RFPL3: variants seen among roughly 807,000 people sequenced by gnomAD.
RFPL3 encodes ret finger protein-like 3.
In RFPL3, 8 loss-of-function variants were observed where a neutral mutation model predicts 8.7. The ratio of observed to expected loss-of-function variants is 0.92; its 90% CI spans 0.54 to 1.66. The LOEUF is 1.66. RFPL3 is among the 40% of genes most tolerant of loss of function. The pLI, the probability that RFPL3 is intolerant of heterozygous loss-of-function variation, is 0.00. For missense variants in RFPL3, 341 were observed against 395.0 expected (o/e 0.86, Z 1.16); for synonymous variants, 145 against 150.5 (o/e 0.96, Z 0.27).
intron 1 of RFPL3, 85 bp downstream of exon 1, chr22:32,358,529 G>C (rs1932743112): frequency 6.6e-7 from 1 of 1,515,754 alleles, no homozygotes; most frequent in Non-Finnish European, 8.8e-7. Context: ...TCCACATGGG[G>C]ATTAGCTGCT....
rs1932781501 is a variant in RFPL3 at position 32,361,028 on chromosome 22, T to A, written c.*196T>A. 1 of 485,760 alleles carries A rather than the reference T, an allele frequency of 2.1e-6. No individual in the cohort carries two copies. Among genetic ancestry groups the A allele is most frequent in the African/African-American group, 2.0e-5 (1 of 50,230 alleles). The allele number at this position is 485,760 out of a possible 1,614,324, so 30.1% of individuals were successfully genotyped here. ...CCATCCAACTCATTGAGTCTTATGG[T>A]TCACATCTTGTTTCCTATAGAAATG... On this transcript the variant is annotated 3_prime_UTR_variant, in exon 2 of 2. Transcript: ENST00000249007.
intron 1 of RFPL3, 147 bp downstream of exon 1, chr22:32,358,591 A>G: frequency 8.0e-7 from 1 of 1,252,410 alleles, no homozygotes; most frequent in Non-Finnish European, 1.1e-6. Context: ...AGCCCTGACA[A>G]CACATAGAAT....
chr22:32,358,200 CT>C lies in RFPL3; in HGVS notation c.130del (p.Ser44GlnfsTer53). On this transcript the variant is annotated frameshift_variant, in exon 1 of 2. Coordinates refer to ENST00000249007, the MANE Select transcript of RFPL3 (RefSeq NM_001098535.1). LOFTEE classifies it high-confidence loss of function. ...AAGAAGCAAGCAGCTGTCCCGTCTG[CT>C]CAGACTATCTGGAAAAACCAATGTC... ...FQEASSCPVC[S>X]DYLEKPMSLE... The C allele has an allele frequency of 6.2e-7, 1 of 1,614,008 alleles. No individual in the cohort carries two copies.
upstream of RFPL3, chr22:32,356,671 A>G (rs75848420): frequency 0.072 from 20,731 of 288,634 alleles, 1,363 homozygotes; most frequent in East Asian, 0.42. Flanking sequence ...AGGGTCAGGG[A>G]CCTAAGAACA....
Position 32,360,502 on chromosome 22 carries a change from G to GCTGA in RFPL3, c.626_629dup (p.Thr211AspfsTer51), listed in dbSNP as rs1181310863. ...CTGTTCACTGCAAAGGGAAGATCCA[G>GCTGA]CTGACCACAGAGCTTGGATTCTGGA... On this transcript the variant is annotated frameshift_variant, in exon 2 of 2. Transcript: ENST00000249007. LOFTEE classifies it low-confidence loss of function (END_TRUNC). The GCTGA allele has an allele frequency of 6.2e-7, 1 of 1,613,968 alleles. No homozygotes were observed. Among genetic ancestry groups the GCTGA allele is most frequent in the Non-Finnish European group, 8.5e-7 (1 of 1,179,866 alleles).
upstream of RFPL3, chr22:32,357,047 C>T (rs1012016922): frequency 7.6e-6 from 3 of 395,584 alleles, no homozygotes; most frequent in Admixed American, 6.8e-5. Flanking sequence ...AGCCCCCTGA[C>T]CTCAGTGTAT....
upstream of RFPL3, among the ~76,000 whole-genome samples, chr22:32,356,201 CAG>C (rs1370977220): frequency 1.3e-5 from 2 of 152,086 alleles, no homozygotes; most frequent in African/African-American, 4.8e-5. Flanking sequence ...GCTAAAGAAA[CAG>C]AGGCTGTGGG....
chr22:32,360,072 C>A, intron 1 of RFPL3, 180 bp from the exon 2 acceptor site: 1 of 745,264 alleles, frequency 1.3e-6, no homozygotes, highest in African/African-American at 1.8e-5. Context: ...CACGTATTGC[C>A]ACAAAGCATA....
At position 32,360,848 on chromosome 22, in the gene RFPL3, A is replaced by C. The variant is rs555886885; in HGVS notation, c.*16A>C. 6.6e-7 allele frequency: 1 copy of C among 1,509,378 alleles called. No individual in the cohort carries two copies. Among genetic ancestry groups the C allele is most frequent in the Non-Finnish European group, 8.8e-7 (1 of 1,130,492 alleles). The allele number at this position is 1,509,378 out of a possible 1,614,324, so 93.5% of individuals were successfully genotyped here. ...GGCCAAATAAGCCGCCACTGCAAAA[A>C]AAAACAGGGTCAGAAAATTACTTGG... is the stretch of plus-strand genomic sequence containing the variant. On this transcript the variant is annotated 3_prime_UTR_variant, in exon 2 of 2. Transcript: ENST00000249007.
intron 1 of RFPL3, chr22:32,360,029 A>G: frequency 1.7e-6 from 1 of 585,386 alleles, no homozygotes; most frequent in South Asian, 2.8e-5. Flanking sequence ...CGTGACGTAA[A>G]GTAAAATAAG....
At chr22:32,355,268 T>C (rs1601403790), upstream of RFPL3, among the ~76,000 whole-genome samples, 4 of 152,104 alleles carry the variant, frequency 2.6e-5, no homozygotes, top group South Asian at 8.3e-4. Context: ...CTAGAGGTTT[T>C]TCTTCTCATC....
Position 32,360,447 on chromosome 22 carries a change from C to T in RFPL3, c.569C>T (p.Thr190Ile). The T allele has an allele frequency of 6.2e-7, 1 of 1,613,888 alleles. No homozygotes were observed. The highest frequency in any genetic ancestry group is 2.2e-5 in the East Asian group (1 of 44,870). Residue 190 changes from threonine to isoleucine, a missense_variant, in exon 2 of 2, where the codon ACA (threonine) becomes ATA (isoleucine). Thr to Ile is a moderately conservative substitution (Grantham distance 89, BLOSUM62 -1). Coordinates refer to ENST00000249007, the MANE Select transcript of RFPL3 (RefSeq NM_001098535.1). Reference protein sequence around the residue: ...HYWEVDVGTSTEWDLGVCRES... With the variant: ...HYWEVDVGTSIEWDLGVCRES... ...TGGGAGGTGGACGTGGGAACAAGCA[C>T]AGAATGGGACCTGGGAGTCTGCAGA...
chr22:32,356,429 G>A (rs559985230), upstream of RFPL3, among the ~76,000 whole-genome samples: 6 of 127,816 alleles, frequency 4.7e-5, no homozygotes, highest in East Asian at 6.6e-4. Context: ...CCTCTCCCCC[G>A]GGCTGCTATC....
At chr22:32,355,255 G>C (rs566391529), upstream of RFPL3, among the ~76,000 whole-genome samples, 3 of 152,220 alleles carry the variant, frequency 2.0e-5, no homozygotes, top group South Asian at 4.1e-4. Context: ...AATCAGAGTA[G>C]ATCTAGAGGT....
intron 1 of RFPL3, among the ~76,000 whole-genome samples, chr22:32,359,116 A>T (rs1443133464): frequency 6.6e-6 from 1 of 152,136 alleles, no homozygotes; most frequent in African/African-American, 2.4e-5. Flanking sequence ...TACACCTATA[A>T]ATGGTGGTGG....
upstream of RFPL3, among the ~76,000 whole-genome samples, chr22:32,355,888 GAACACCTA>G (rs1437113366): frequency 1.3e-5 from 2 of 151,964 alleles, no homozygotes; most frequent in Non-Finnish European, 2.9e-5. Flanking sequence ...AGAAATAAGG[GAACACCTA>G]TTACCCTCCT....
chr22:32,359,283 T>C (rs542866689), intron 1 of RFPL3, among the ~76,000 whole-genome samples: 40 of 152,322 alleles, frequency 2.6e-4, no homozygotes, highest in African/African-American at 9.4e-4. Flanking sequence ...TCCTTCCTTG[T>C]CCATGTCCAT....
intron 1 of RFPL3, 73 bp downstream of exon 1, chr22:32,358,517 A>T: frequency 6.5e-7 from 1 of 1,531,392 alleles, no homozygotes; most frequent in African/African-American, 1.4e-5. Flanking sequence ...TTGGCCCCTC[A>T]TTCCACATGG....
rs750434073 is a variant in RFPL3 at position 32,358,085 on chromosome 22, C to A, written c.14C>A (p.Ser5Ter). 6.2e-7 allele frequency: 1 copy of A among 1,613,228 alleles called. No individual in the cohort carries two copies. The highest frequency in any genetic ancestry group is 1.1e-5 in the South Asian group (1 of 90,962). Residue 5 changes from serine (S) to a stop codon, truncating the protein, a stop_gained, in exon 1 of 2, where the codon TCA (serine) becomes TAA (stop). Transcript: ENST00000249007. LOFTEE classifies it high-confidence loss of function. MKRL[S>*]LVTTNRLSPQ... ...ATACCTCTATGCATGAAAAGGTTGT[C>A]ACTTGTCACAACTAACAGGCTTTCA... is the stretch of plus-strand genomic sequence containing the variant.
Sources: allele counts gnomAD v4.1 joint callset (sites outside exome capture counted in the v4.1 genomes callset), GRCh38; gene constraint gnomAD v4.1.1; transcripts MANE v1.5; gene names NCBI Gene and HGNC (gene_info 2026-07-23, HGNC 2026-07-21).